The following LINGO2 variants were observed in gnomAD, a reference collection of about 807,000 sequenced individuals.
The protein encoded by LINGO2 is leucine-rich repeat and immunoglobulin-like domain-containing nogo receptor-interacting protein 2.
Under a neutral mutation model 30.6 loss-of-function variants are expected in LINGO2, and 14 were observed. The observed-to-expected ratio is 0.46, with a 90% CI of 0.30 to 0.72. The LOEUF is 0.72. Among genes scored for constraint, LINGO2 ranks in the 30% least tolerant of loss-of-function variants. The pLI is 0.07. For missense variants in LINGO2, 729 were observed against 751.7 expected, an observed-to-expected ratio of 0.97 and a Z score of 0.35; for synonymous variants, 317 against 288.5, an observed-to-expected ratio of 1.10 and a Z score of -1.00.
chr9:28,884,994 TATTATA>T, the LINGO2 span, among the ~76,000 whole-genome samples: 5 of 4,610 alleles, frequency 1.1e-3, no homozygotes, highest in African/African-American at 2.8e-3. Flanking sequence ...TATAATAATA[TATTATA>T]TATATATATA....
At chr9:28,732,709 A>G in the LINGO2 span, among the ~76,000 whole-genome samples, 24 of 152,178 alleles carry the variant, frequency 1.6e-4, no homozygotes. Flanking sequence ...TTTTTTGTTT[A>G]ATGTGCAATG....
the LINGO2 span, among the ~76,000 whole-genome samples, chr9:28,693,599 A>G: frequency 6.6e-6 from 1 of 152,096 alleles, no homozygotes; most frequent in Non-Finnish European, 1.5e-5. Context: ...TCAAGTGTTA[A>G]CCCCAGATTT....
the LINGO2 span, among the ~76,000 whole-genome samples, chr9:29,063,825 T>C: frequency 1.3e-5 from 2 of 152,268 alleles, no homozygotes; most frequent in East Asian, 3.9e-4. Context: ...TTTAAAAATA[T>C]CTATACTAGT....
chr9:28,241,063 G>A (rs969904940), intron 4 of LINGO2, among the ~76,000 whole-genome samples: 1 of 152,154 alleles, frequency 6.6e-6, no homozygotes, highest in East Asian at 1.9e-4. Flanking sequence ...GAGGTCAGGA[G>A]ATCAAGACCA....
At chr9:28,738,499 C>T in the LINGO2 span, among the ~76,000 whole-genome samples, 1 of 151,946 alleles carries the variant, frequency 6.6e-6, no homozygotes, top group African/African-American at 2.4e-5. Context: ...ATGATGCTTT[C>T]AAGCATTCAG....
rs1028719480 is a variant in LINGO2 at position 27,974,855 on chromosome 9, G to A, written c.-35-24149C>T. Among the ~76,000 whole-genome samples, 3 of 152,224 alleles carry A rather than the reference G, an allele frequency of 2.0e-5. 1 individual carries two copies. In the South Asian group the frequency reaches 6.2e-4, roughly 32 times the overall value. ...GTGTAAGAATAATCTCAACCTGTTC[G>A]AGGAATTCCAAGCCTATTTAATTCT... On this transcript the variant is annotated intron_variant, in intron 5 of 5. Coordinates refer to ENST00000379992, the Ensembl canonical transcript of LINGO2.
At chr9:28,377,614 CAT>C (rs567557461) in intron 2 of LINGO2, among the ~76,000 whole-genome samples, 366 of 152,250 alleles carry the variant, frequency 2.4e-3, no homozygotes, top group Non-Finnish European at 4.4e-3. Flanking sequence ...CATGTACACA[CAT>C]GTCTATATAT....
intron 5 of LINGO2, among the ~76,000 whole-genome samples, chr9:27,977,071 T>A (rs1260295431): frequency 1.3e-5 from 2 of 151,750 alleles, no homozygotes; most frequent in Non-Finnish European, 2.9e-5. Context: ...AGCAAACAAC[T>A]GAACATTCGT....
the LINGO2 span, among the ~76,000 whole-genome samples, chr9:28,898,680 T>C: frequency 6.6e-6 from 1 of 152,266 alleles, no homozygotes; most frequent in South Asian, 2.1e-4. Flanking sequence ...ATACAGTTGT[T>C]ATTTTTTGAC....
intron 1 of LINGO2, among the ~76,000 whole-genome samples, chr9:28,484,486 C>T (rs557362330): frequency 6.6e-6 from 1 of 152,204 alleles, no homozygotes; most frequent in South Asian, 2.1e-4. Flanking sequence ...GGATATAGAA[C>T]ATCTTTCAGA....
chr9:28,897,732 A>G, the LINGO2 span, among the ~76,000 whole-genome samples: 1 of 152,192 alleles, frequency 6.6e-6, no homozygotes, highest in East Asian at 1.9e-4. Flanking sequence ...AATAATAGGT[A>G]TAAGCTTTTA....
At chr9:28,201,186 C>A (rs1820219917) in intron 4 of LINGO2, among the ~76,000 whole-genome samples, 1 of 149,470 alleles carries the variant, frequency 6.7e-6, no homozygotes, top group African/African-American at 2.5e-5. Context: ...ACTAACTCGT[C>A]ATCTAGCATT....
intron 1 of LINGO2, among the ~76,000 whole-genome samples, chr9:28,645,113 C>T (rs993052492): frequency 3.3e-5 from 5 of 152,016 alleles, no homozygotes; most frequent in East Asian, 3.8e-4. Flanking sequence ...TTCTCTTATC[C>T]GATGGTTCTA....
the LINGO2 span, among the ~76,000 whole-genome samples, chr9:29,030,679 G>A: frequency 6.6e-6 from 1 of 151,968 alleles, no homozygotes; most frequent in East Asian, 1.9e-4. Context: ...TCTTACCAAT[G>A]GTAATATTGA....
intron 1 of LINGO2, among the ~76,000 whole-genome samples, chr9:28,505,639 A>T (rs1168748940): frequency 6.6e-6 from 1 of 151,938 alleles, no homozygotes; most frequent in Admixed American, 6.6e-5. Context: ...AAGAGTTTAC[A>T]AACAATAAAT....
the LINGO2 span, among the ~76,000 whole-genome samples, chr9:29,136,270 T>C: frequency 1.3e-5 from 2 of 152,170 alleles, no homozygotes; most frequent in African/African-American, 4.8e-5. Context: ...CTTTAGCTTA[T>C]TTGCCCGAAT....
the LINGO2 span, among the ~76,000 whole-genome samples, chr9:28,994,401 T>C: frequency 5.9e-5 from 9 of 151,792 alleles, no homozygotes; most frequent in East Asian, 5.8e-4. Flanking sequence ...ATTCCATGCT[T>C]ATGGGTAGGA....
At chr9:28,499,199 T>C (rs995307157) in intron 1 of LINGO2, among the ~76,000 whole-genome samples, 44 of 152,194 alleles carry the variant, frequency 2.9e-4, no homozygotes, top group African/African-American at 1.0e-3. Context: ...GGAATGAAGA[T>C]ACTATTTTCT....
At chr9:28,797,353 TATATATAGAGAGAG>T in the LINGO2 span, among the ~76,000 whole-genome samples, 2 of 60,998 alleles carry the variant, frequency 3.3e-5, no homozygotes, top group Admixed American at 2.0e-4. Flanking sequence ...TATATATATA[TATATATAGAGAGAG>T]AGAGAGAGAG....
Sources: allele counts gnomAD v4.1 joint callset (sites outside exome capture counted in the v4.1 genomes callset), GRCh38; gene constraint gnomAD v4.1.1; transcripts MANE v1.5; gene names NCBI Gene and HGNC (gene_info 2026-07-23, HGNC 2026-07-21).